UBE2E2: variants seen among roughly 807,000 people sequenced by gnomAD.
UBE2E2 encodes the protein ubiquitin conjugating enzyme E2 E2.
UBE2E2 carries 6 observed loss-of-function variants against 24.7 expected under a neutral mutation model. The ratio of observed to expected loss-of-function variants is 0.24; its 90% CI spans 0.13 to 0.48. UBE2E2 has a LOEUF of 0.48. UBE2E2 is among the 20% of genes least tolerant of loss of function. The pLI is 0.99. For synonymous variants in UBE2E2, 104 were observed against 83.6 expected (o/e 1.24, Z -1.33); for missense variants, 169 against 245.0 (o/e 0.69, Z 2.07).
chr3:23,233,972 T>C (rs945431795), intron 3 of UBE2E2, among the ~76,000 whole-genome samples: 3 of 152,202 alleles, frequency 2.0e-5, no homozygotes, highest in African/African-American at 7.2e-5. Flanking sequence ...GTTTGGTAAA[T>C]ATTTATCAAA....
intron 3 of UBE2E2, among the ~76,000 whole-genome samples, chr3:23,293,602 C>T (rs528716260): frequency 1.3e-5 from 2 of 152,106 alleles, no homozygotes; most frequent in African/African-American, 2.4e-5. Flanking sequence ...AGAATTAATT[C>T]TCTATGATTA....
chr3:23,550,423 CTG>C (rs1695616078), intron 5 of UBE2E2, among the ~76,000 whole-genome samples: 1 of 152,156 alleles, frequency 6.6e-6, no homozygotes, highest in Non-Finnish European at 1.5e-5. Flanking sequence ...TGCTTTTACT[CTG>C]TATAAATCTC....
At chr3:23,417,786 C>T (rs1347696484) in intron 3 of UBE2E2, among the ~76,000 whole-genome samples, 1 of 152,204 alleles carries the variant, frequency 6.6e-6, no homozygotes, top group African/African-American at 2.4e-5. Context: ...GACAGTGTGG[C>T]TACAGCGGCG....
chr3:23,219,141 T>C (rs999504769), intron 3 of UBE2E2, among the ~76,000 whole-genome samples: 1 of 152,212 alleles, frequency 6.6e-6, no homozygotes, highest in Non-Finnish European at 1.5e-5. Context: ...CTTTAGAAGC[T>C]AGGTCTGCAG....
At chr3:23,497,364 G>C (rs576212590) in intron 3 of UBE2E2, among the ~76,000 whole-genome samples, 3 of 152,230 alleles carry the variant, frequency 2.0e-5, no homozygotes, top group African/African-American at 7.2e-5. Context: ...TTGCTGGAGA[G>C]ATGAACTGCT....
chr3:23,267,499 A>G (rs1191299925), intron 3 of UBE2E2, among the ~76,000 whole-genome samples: 1 of 152,224 alleles, frequency 6.6e-6, no homozygotes, highest in Non-Finnish European at 1.5e-5. Context: ...CCCAAGACTA[A>G]ACCAGGAAGA....
At chr3:23,204,970 G>A (rs1356833965) in intron 1 of UBE2E2, among the ~76,000 whole-genome samples, 1 of 152,128 alleles carries the variant, frequency 6.6e-6, no homozygotes, top group African/African-American at 2.4e-5. Flanking sequence ...AATGACTATA[G>A]TTGCCTTTAT....
At chr3:23,576,386 A>C (rs1399746352) in intron 5 of UBE2E2, among the ~76,000 whole-genome samples, 4 of 152,178 alleles carry the variant, frequency 2.6e-5, no homozygotes, top group Non-Finnish European at 1.5e-5. Flanking sequence ...GGCAAAGTGC[A>C]GGCCACAAAT....
At chr3:23,494,495 A>G (rs1324427216) in intron 3 of UBE2E2, among the ~76,000 whole-genome samples, 1 of 152,222 alleles carries the variant, frequency 6.6e-6, no homozygotes, top group Non-Finnish European at 1.5e-5. Context: ...AATTTGCCCT[A>G]GCCACATTTC....
chr3:23,349,203 A>G (rs1695651842), intron 3 of UBE2E2, among the ~76,000 whole-genome samples: 2 of 152,090 alleles, frequency 1.3e-5, no homozygotes, highest in Non-Finnish European at 2.9e-5. Flanking sequence ...GAAGCTCATG[A>G]AAAGCCATCC....
chr3:23,568,532 G>T (rs1186684952), intron 5 of UBE2E2, among the ~76,000 whole-genome samples: 1 of 150,382 alleles, frequency 6.6e-6, no homozygotes, highest in Non-Finnish European at 1.5e-5. Flanking sequence ...CATTTAAAGA[G>T]AATTTATTTT....
intron 3 of UBE2E2, among the ~76,000 whole-genome samples, chr3:23,351,752 C>A (rs6786085): frequency 8.6e-5 from 13 of 151,540 alleles, no homozygotes; most frequent in Non-Finnish European, 1.9e-4. Context: ...TAGTGACATA[C>A]AAAGAGACTT....
chr3:23,261,629 C>G (rs1476049057), intron 3 of UBE2E2, among the ~76,000 whole-genome samples: 6 of 152,106 alleles, frequency 3.9e-5, no homozygotes, highest in Admixed American at 3.9e-4. Context: ...CCCATTTCCC[C>G]CTACCTTTAG....
chr3:23,338,596 T>C (rs1408068233), intron 3 of UBE2E2, among the ~76,000 whole-genome samples: 8 of 152,064 alleles, frequency 5.3e-5, no homozygotes, highest in South Asian at 2.1e-4. Flanking sequence ...AAAAACTGAA[T>C]TGGGGACTGG....
chr3:23,347,276 CGCA>C (rs887301507), intron 3 of UBE2E2, among the ~76,000 whole-genome samples: 1 of 152,138 alleles, frequency 6.6e-6, no homozygotes, highest in Non-Finnish European at 1.5e-5. Context: ...TGGCACTATT[CGCA>C]GTAGCAGAGA....
At chr3:23,244,542 C>G (rs1697338224) in intron 3 of UBE2E2, among the ~76,000 whole-genome samples, 1 of 152,082 alleles carries the variant, frequency 6.6e-6, no homozygotes, top group Non-Finnish European at 1.5e-5. Context: ...TTTATTATAG[C>G]TGAGTACTAG....
chr3:23,236,823 T>G (rs1697126495), intron 3 of UBE2E2, among the ~76,000 whole-genome samples: 1 of 152,150 alleles, frequency 6.6e-6, no homozygotes, highest in South Asian at 2.1e-4. Context: ...GACTTCTGCC[T>G]GTGTCTTGTG....
At chr3:23,284,106 A>G (rs1197767361) in intron 3 of UBE2E2, among the ~76,000 whole-genome samples, 8 of 152,072 alleles carry the variant, frequency 5.3e-5, no homozygotes, top group East Asian at 3.9e-4. Context: ...TTCAATTCCA[A>G]TCTCCTTTAG....
intron 5 of UBE2E2, among the ~76,000 whole-genome samples, chr3:23,565,070 A>G (rs1388554195): frequency 6.6e-6 from 1 of 152,106 alleles, no homozygotes; most frequent in Non-Finnish European, 1.5e-5. Context: ...AAAAGTAAAC[A>G]ATATACACAC....
Sources: allele counts gnomAD v4.1 joint callset (sites outside exome capture counted in the v4.1 genomes callset), GRCh38; gene constraint gnomAD v4.1.1; transcripts MANE v1.5; gene names NCBI Gene and HGNC (gene_info 2026-07-23, HGNC 2026-07-21).